ZNF804A: variants seen among roughly 807,000 people sequenced by gnomAD.
The protein encoded by ZNF804A is zinc finger protein 804A.
In ZNF804A, 2 loss-of-function variants were observed where a neutral mutation model predicts 16.5. The ratio of observed to expected loss-of-function variants is 0.12; its 90% CI spans 0.05 to 0.38. ZNF804A has a LOEUF of 0.38. ZNF804A is among the 10% of genes least tolerant of loss of function. The pLI, the probability that ZNF804A is intolerant of heterozygous loss-of-function variation, is 0.99. For synonymous variants in ZNF804A, 534 were observed against 489.6 expected, an observed-to-expected ratio of 1.09 and a Z score of -1.20; for missense variants, 1,473 against 1,390.7, an observed-to-expected ratio of 1.06 and a Z score of -0.94.
At chr2:184,735,152 G>A (rs1490618053) in intron 1 of ZNF804A, among the ~76,000 whole-genome samples, 1 of 151,810 alleles carries the variant, frequency 6.6e-6, no homozygotes, top group Non-Finnish European at 1.5e-5. Context: ...GTCCATTGGT[G>A]TTTAAAATGA....
intron 1 of ZNF804A, among the ~76,000 whole-genome samples, chr2:184,815,888 A>G (rs1694975213): frequency 6.6e-6 from 1 of 151,962 alleles, no homozygotes; most frequent in Non-Finnish European, 1.5e-5. Flanking sequence ...TGGTTTTTGT[A>G]TTTGTGTTGC....
chr2:184,744,880 A>T (rs1574191625), intron 1 of ZNF804A, among the ~76,000 whole-genome samples: 1 of 151,880 alleles, frequency 6.6e-6, no homozygotes, highest in South Asian at 2.1e-4. Context: ...TATTTTAAGT[A>T]GATTTTCCCT....
chr2:184,915,709 T>C (rs1450624234), intron 2 of ZNF804A, among the ~76,000 whole-genome samples: 1 of 152,144 alleles, frequency 6.6e-6, no homozygotes, highest in Non-Finnish European at 1.5e-5. Flanking sequence ...TGAGATTTTG[T>C]ATACAAAGAG....
intron 3 of ZNF804A, 80 bp from the exon 4 acceptor site, chr2:184,935,703 T>G: frequency 2.1e-6 from 3 of 1,447,408 alleles, no homozygotes; most frequent in East Asian, 4.8e-5. Flanking sequence ...TTATAATGAC[T>G]TTTTAAAGAT....
chr2:184,914,676 T>C (rs569766787), intron 2 of ZNF804A, among the ~76,000 whole-genome samples: 13 of 152,208 alleles, frequency 8.5e-5, no homozygotes, highest in African/African-American at 2.9e-4. Context: ...TTAGTATATA[T>C]TAAGCAATAT....
At chr2:184,703,689 C>CTA (rs1559130426) in intron 1 of ZNF804A, among the ~76,000 whole-genome samples, 1 of 56,460 alleles carries the variant, frequency 1.8e-5, no homozygotes, top group Non-Finnish European at 3.2e-5. Context: ...GACTCCGGTT[C>CTA]AAAAAAAAAA....
At chr2:184,640,051 T>A (rs1691769599) in intron 1 of ZNF804A, among the ~76,000 whole-genome samples, 1 of 151,768 alleles carries the variant, frequency 6.6e-6, no homozygotes, top group Admixed American at 6.6e-5. Flanking sequence ...AAAATAGAGA[T>A]CAAGGTAACT....
At chr2:184,604,129 A>G (rs1691095893) in intron 1 of ZNF804A, among the ~76,000 whole-genome samples, 1 of 101,510 alleles carries the variant, frequency 9.9e-6, no homozygotes. Context: ...GTTTCAGGTT[A>G]TGGATGACTG....
chr2:184,929,403 T>C (rs535549687), intron 2 of ZNF804A, among the ~76,000 whole-genome samples: 6 of 152,298 alleles, frequency 3.9e-5, no homozygotes, highest in African/African-American at 1.4e-4. Context: ...GCATTGCACT[T>C]TTATCTTACC....
chr2:184,837,450 T>C (rs1695369713), intron 1 of ZNF804A, among the ~76,000 whole-genome samples: 1 of 152,120 alleles, frequency 6.6e-6, no homozygotes. Context: ...AAGTATATTT[T>C]CAGACTTCTA....
intron 1 of ZNF804A, among the ~76,000 whole-genome samples, chr2:184,665,530 A>G (rs1692242391): frequency 6.6e-6 from 1 of 152,226 alleles, no homozygotes; most frequent in Admixed American, 6.5e-5. Context: ...TTAAAACACC[A>G]TACATTTATT....
At chr2:184,689,658 T>C (rs1202917224) in intron 1 of ZNF804A, among the ~76,000 whole-genome samples, 1 of 152,080 alleles carries the variant, frequency 6.6e-6, no homozygotes, top group Non-Finnish European at 1.5e-5. Context: ...TATTTAAATA[T>C]GTAATATATG....
At chr2:184,930,347 C>T (rs1401674088) in intron 2 of ZNF804A, among the ~76,000 whole-genome samples, 1 of 152,058 alleles carries the variant, frequency 6.6e-6, no homozygotes, top group Non-Finnish European at 1.5e-5. Flanking sequence ...CAAAGTTTTG[C>T]TTTCTGGGAA....
chr2:184,622,426 G>A (rs186106110), intron 1 of ZNF804A, among the ~76,000 whole-genome samples: 23 of 151,824 alleles, frequency 1.5e-4, no homozygotes, highest in Admixed American at 3.9e-4. Flanking sequence ...CTGGGAAAAT[G>A]GAGCTTATTG....
chr2:184,937,229 C>A lies in ZNF804A; in HGVS notation c.1833C>A (p.Thr611=), dbSNP rs1559009049. Residue 611 remains threonine, a synonymous_variant, in exon 4 of 4, where the codon ACC becomes ACA. Transcript: ENST00000302277. ...KLCQHHHMEK[T]KESETRCKME... is the part of the protein sequence containing the mutation. ...GTCAGCATCATCATATGGAGAAAAC[C>A]AAAGAATCAGAAACTCGCTGCAAAA... 1 of 1,608,626 alleles carries A rather than the reference C, an allele frequency of 6.2e-7. No homozygotes were observed. Among genetic ancestry groups the A allele is most frequent in the Non-Finnish European group, 8.5e-7 (1 of 1,178,510 alleles).
At chr2:184,628,649 T>C (rs1452433401) in intron 1 of ZNF804A, among the ~76,000 whole-genome samples, 2 of 151,890 alleles carry the variant, frequency 1.3e-5, no homozygotes, top group Non-Finnish European at 2.9e-5. Flanking sequence ...TTGGTAATCC[T>C]TTTTTTTAAA....
At chr2:184,647,040 T>C (rs1024101101) in intron 1 of ZNF804A, among the ~76,000 whole-genome samples, 3 of 152,212 alleles carry the variant, frequency 2.0e-5, no homozygotes, top group African/African-American at 4.8e-5. Flanking sequence ...AGCTAGCTCT[T>C]ACTTATAAAA....
At chr2:184,860,835 C>T (rs968541470) in intron 1 of ZNF804A, among the ~76,000 whole-genome samples, 13 of 152,188 alleles carry the variant, frequency 8.5e-5, no homozygotes, top group Non-Finnish European at 1.9e-4. Flanking sequence ...CTGATGAAGG[C>T]CTAAAGCCTG....
chr2:184,682,361 A>G (rs1692556617), intron 1 of ZNF804A, among the ~76,000 whole-genome samples: 1 of 152,196 alleles, frequency 6.6e-6, no homozygotes, highest in Admixed American at 6.5e-5. Flanking sequence ...TTTAAGTAGT[A>G]TATATTAATT....
Sources: allele counts gnomAD v4.1 joint callset (sites outside exome capture counted in the v4.1 genomes callset), GRCh38; gene constraint gnomAD v4.1.1; transcripts MANE v1.5; gene names NCBI Gene and HGNC (gene_info 2026-07-23, HGNC 2026-07-21).